HDAC9: variants seen among roughly 807,000 people sequenced by gnomAD.
HDAC9 encodes MEF-2 interacting transcription repressor (MITR) protein.
In HDAC9, 41 loss-of-function variants were observed where a neutral mutation model predicts 139.4. That is an observed-to-expected ratio of 0.29 (90% confidence interval 0.23 to 0.38). The LOEUF is 0.38. Ranked by LOEUF, HDAC9 falls within the 10% of genes least tolerant of loss-of-function variation. The probability of loss-of-function intolerance (pLI) is 1.00; values close to 1 mark genes in which losing one functional copy is unlikely to be tolerated. For synonymous variants in HDAC9, 517 were observed against 476.2 expected, an observed-to-expected ratio of 1.09 and a Z score of -1.12; for missense variants, 1,147 against 1,297.0, an observed-to-expected ratio of 0.88 and a Z score of 1.78.
chr7:18,805,242 G>A (rs893746896), intron 17 of HDAC9, among the ~76,000 whole-genome samples: 2 of 151,582 alleles, frequency 1.3e-5, no homozygotes, highest in Non-Finnish European at 3.0e-5. Context: ...AGGAGGAGTA[G>A]CTTTTCAGTC....
chr7:18,818,412 G>T (rs181071622), intron 17 of HDAC9, among the ~76,000 whole-genome samples: 1 of 152,056 alleles, frequency 6.6e-6, no homozygotes, highest in African/African-American at 2.4e-5. Context: ...TCCTAAAATA[G>T]TTATATTTAT....
chr7:18,221,124 C>T (rs540587553), intron 2 of HDAC9, among the ~76,000 whole-genome samples: 51 of 128,364 alleles, frequency 4.0e-4, no homozygotes, highest in Non-Finnish European at 5.4e-4. Context: ...TTTTTTGTGA[C>T]GGAGTTTCAC....
intron 1 of HDAC9, among the ~76,000 whole-genome samples, chr7:18,099,343 C>T (rs955106740): frequency 6.6e-6 from 1 of 152,108 alleles, no homozygotes; most frequent in Admixed American, 6.5e-5. Flanking sequence ...TGGTGGGCAC[C>T]TGTAATCCCA....
Position 18,692,929 on chromosome 7 carries a change from G to A in HDAC9, c.1731+26453G>A, listed in dbSNP as rs143963228. Reference sequence around the variant, plus strand: ...AAGAAAATTGTCATATTCAGTAGCCGATGATAAATACATTTTTTGTGTTGT... The same window carrying A: ...AAGAAAATTGTCATATTCAGTAGCCAATGATAAATACATTTTTTGTGTTGT... On this transcript the variant is annotated intron_variant, in intron 12 of 25. Coordinates refer to ENST00000686413, the MANE Select transcript of HDAC9 (RefSeq NM_178425.4). Among the ~76,000 whole-genome samples the A allele has an allele frequency of 8.7e-3, 1,321 of 152,044 alleles. 10 individuals carry two copies. Among genetic ancestry groups the A allele is most frequent in the Middle Eastern group, 0.02 (6 of 294 alleles).
At chr7:18,797,966 G>GGA (rs1381465993) in intron 17 of HDAC9, among the ~76,000 whole-genome samples, 1 of 150,602 alleles carries the variant, frequency 6.6e-6, no homozygotes, top group Admixed American at 6.6e-5. Flanking sequence ...TTATCCATGT[G>GGA]GAGATATATA....
chr7:18,144,457 A>G (rs1300226223), intron 1 of HDAC9, among the ~76,000 whole-genome samples: 1 of 152,036 alleles, frequency 6.6e-6, no homozygotes, highest in African/African-American at 2.4e-5. Context: ...TTCCCTGCCC[A>G]TTCCCTCTGG....
At chr7:18,736,896 T>C (rs1418371214) in intron 13 of HDAC9, among the ~76,000 whole-genome samples, 1 of 152,210 alleles carries the variant, frequency 6.6e-6, no homozygotes, top group Non-Finnish European at 1.5e-5. Flanking sequence ...CTATTAATTA[T>C]TGCCTCAATT....
intron 21 of HDAC9, among the ~76,000 whole-genome samples, chr7:18,863,732 A>T (rs1228191319): frequency 1.3e-5 from 2 of 152,198 alleles, no homozygotes; most frequent in Non-Finnish European, 2.9e-5. Flanking sequence ...GTGAAAAAAA[A>T]CCAGAAGAGA....
chr7:18,613,413 G>A (rs982923776), intron 6 of HDAC9, among the ~76,000 whole-genome samples: 11 of 152,068 alleles, frequency 7.2e-5, no homozygotes, highest in African/African-American at 1.2e-4. Context: ...CACATAGAGC[G>A]GATTAAGGGA....
chr7:18,584,449 A>G (rs186508501), intron 2 of HDAC9, among the ~76,000 whole-genome samples: 4 of 152,188 alleles, frequency 2.6e-5, no homozygotes, highest in Admixed American at 2.0e-4. Flanking sequence ...ATTCTTATCT[A>G]CTAAGAGTTT....
intron 21 of HDAC9, among the ~76,000 whole-genome samples, chr7:18,845,455 T>C (rs1280207020): frequency 6.6e-6 from 1 of 152,230 alleles, no homozygotes; most frequent in Non-Finnish European, 1.5e-5. Flanking sequence ...AGAATTGTAT[T>C]GTTCCTTATA....
chr7:18,535,159 T>G (rs111458799), intron 2 of HDAC9, among the ~76,000 whole-genome samples: 3 of 152,322 alleles, frequency 2.0e-5, no homozygotes, highest in African/African-American at 7.2e-5. Flanking sequence ...CTGCTCATTC[T>G]TGTCATCTCT....
chr7:18,330,458 C>T (rs1039739927), intron 1 of HDAC9, among the ~76,000 whole-genome samples: 1 of 151,096 alleles, frequency 6.6e-6, no homozygotes, highest in Non-Finnish European at 1.5e-5. Flanking sequence ...TGTCACAGTC[C>T]CCCAAAGCAT....
chr7:18,514,969 C>T (rs1172409943), intron 2 of HDAC9, among the ~76,000 whole-genome samples: 1 of 152,032 alleles, frequency 6.6e-6, no homozygotes, highest in African/African-American at 2.4e-5. Context: ...AAAATAATAA[C>T]AATAAAAATA....
intron 21 of HDAC9, among the ~76,000 whole-genome samples, chr7:18,864,704 G>T (rs1798362246): frequency 6.6e-6 from 1 of 151,872 alleles, no homozygotes; most frequent in Admixed American, 6.6e-5. Flanking sequence ...TCTACTTACA[G>T]AGACAGAAAT....
Position 18,817,702 on chromosome 7 carries a change from T to C in HDAC9, c.2323-11459T>C, listed in dbSNP as rs549198981. On this transcript the variant is annotated intron_variant, in intron 17 of 25. Coordinates refer to ENST00000686413, the MANE Select transcript of HDAC9 (RefSeq NM_178425.4). The stretch of plus-strand genomic sequence containing the variant: ...AGACGTGTACACATGGCAAGCAAGA[T>C]GATTGGGAGGTTAGAATGGGCACTT... 2.6e-5 allele frequency among the ~76,000 whole-genome samples: 4 copies of C among 152,302 alleles called. No homozygotes were observed. The East Asian group carries it at 7.7e-4, about 29-fold the overall frequency.
chr7:18,192,041 G>T (rs758823715), intron 2 of HDAC9, among the ~76,000 whole-genome samples: 17 of 152,226 alleles, frequency 1.1e-4, no homozygotes, highest in Non-Finnish European at 2.1e-4. Flanking sequence ...GTACAGTATT[G>T]CTTGATGCAA....
chr7:18,203,348 A>G (rs1791274682), intron 2 of HDAC9, among the ~76,000 whole-genome samples: 1 of 152,154 alleles, frequency 6.6e-6, no homozygotes, highest in South Asian at 2.1e-4. Context: ...CGATTTTGGC[A>G]TTTTGATTTT....
At chr7:18,854,269 T>C (rs917730530) in intron 21 of HDAC9, among the ~76,000 whole-genome samples, 2 of 152,142 alleles carry the variant, frequency 1.3e-5, no homozygotes, top group African/African-American at 2.4e-5. Context: ...AATGTAAGGG[T>C]ACTTTTAAAA....
Sources: allele counts gnomAD v4.1 joint callset (sites outside exome capture counted in the v4.1 genomes callset), GRCh38; gene constraint gnomAD v4.1.1; transcripts MANE v1.5; gene names NCBI Gene and HGNC (gene_info 2026-07-23, HGNC 2026-07-21).